ARID1A: variants seen among roughly 807,000 people sequenced by gnomAD.
ARID1A encodes the protein AT-rich interactive domain-containing protein 1A.
Under a neutral mutation model 212.6 loss-of-function variants are expected in ARID1A, and 20 were observed. The ratio of observed to expected loss-of-function variants is 0.09; its 90% CI spans 0.07 to 0.14. The LOEUF (loss-of-function observed/expected upper bound fraction) is 0.14, where lower values mean the gene tolerates loss of function less well. Among genes scored for constraint, ARID1A ranks in the 10% least tolerant of loss-of-function variants. The probability of loss-of-function intolerance (pLI) is 1.00; values close to 1 mark genes in which losing one functional copy is unlikely to be tolerated. For synonymous variants in ARID1A, 1,376 were observed against 1,222.1 expected, an observed-to-expected ratio of 1.13 and a Z score of -2.63; for missense variants, 2,587 against 3,059.0, an observed-to-expected ratio of 0.85 and a Z score of 3.64.
chr1:26,706,821 C>T (rs1252477428), intron 1 of ARID1A, among the ~76,000 whole-genome samples: 5 of 152,124 alleles, frequency 3.3e-5, no homozygotes, highest in Non-Finnish European at 7.4e-5. Context: ...TGTTCTGGTC[C>T]TAAGGTGTTG....
rs71007893 is a variant in ARID1A at position 26,781,159 on chromosome 1, TAAAAAA to T, written c.*416_*421del. ...CACATTTCATAACTGTTTTTAATGG[TAAAAAA>T]AAAAAAAAAAAATACAAAAAAAAAT... On this transcript the variant is annotated 3_prime_UTR_variant, in exon 20 of 20. Transcript: ENST00000324856. 5.1e-6 allele frequency: 1 copy of T among 195,006 alleles called. No individual in the cohort carries two copies. The highest frequency in any genetic ancestry group is 9.6e-6 in the Non-Finnish European group (1 of 103,720). The allele number at this position is 195,006 out of a possible 1,614,324, so 12.1% of individuals were successfully genotyped here.
At chr1:26,727,000 A>G (rs2080625554) in intron 1 of ARID1A, among the ~76,000 whole-genome samples, 1 of 152,266 alleles carries the variant, frequency 6.6e-6, no homozygotes, top group South Asian at 2.1e-4. Flanking sequence ...AGAGCTGGGC[A>G]TGTACAGTAT....
In ARID1A at chr1:26,762,938, G is replaced by A. The variant is rs768884763; in HGVS notation, c.2420-35G>A. On this transcript the variant is annotated intron_variant, in intron 7 of 19. Coordinates refer to ENST00000324856, the MANE Select transcript of ARID1A (RefSeq NM_006015.6). ...AGAGATATTAGTGAGTTGCTAGTGAGTGACTAACCAAGTCTTGTCTTCCTC... is the reference window on the plus strand; with the variant it reads ...AGAGATATTAGTGAGTTGCTAGTGAATGACTAACCAAGTCTTGTCTTCCTC... The A allele has an allele frequency of 2.0e-6, 3 of 1,528,818 alleles. No homozygotes were observed. The South Asian group carries it at 3.7e-5, about 19-fold the overall frequency. The allele number at this position is 1,528,818 out of a possible 1,614,324, so 94.7% of individuals were successfully genotyped here.
Position 26,707,200 on chromosome 1 carries a change from A to ATTTTTT in ARID1A, c.1137+9681_1137+9686dup, listed in dbSNP as rs751639614. On this transcript the variant is annotated intron_variant, in intron 1 of 19. Transcript: ENST00000324856. ...AGGCATGCGCCACCGCGGCTGGCTA[A>ATTTTTT]TTTTTTTTTTTTTTTTTTTTTTTTT... is the stretch of plus-strand genomic sequence containing the variant. Among the ~76,000 whole-genome samples the ATTTTTT allele has an allele frequency of 3.4e-4, 35 of 102,606 alleles. 1 individual carries two copies. Among genetic ancestry groups the ATTTTTT allele is most frequent in the Non-Finnish European group, 5.4e-4 (26 of 48,208 alleles). The allele number at this position is 102,606 out of a possible 152,430, so 67.3% of individuals were successfully genotyped here. A position where few individuals can be genotyped will look rare whatever the true frequency, so the allele number is the denominator to read the frequency against.
rs2081084231 is a variant in ARID1A, at chr1:26,771,772, C to G, written c.3406+446C>G. The G allele has an allele frequency of 5.2e-6, 1 of 191,634 alleles. No homozygotes were observed. Among genetic ancestry groups the G allele is most frequent in the South Asian group, 1.0e-4 (1 of 9,890 alleles). The allele number at this position is 191,634 out of a possible 1,614,324, so 11.9% of individuals were successfully genotyped here. A position where few individuals can be genotyped will look rare whatever the true frequency, so the allele number is the denominator to read the frequency against. ...GGGGAAGGGTTATGAATGGAACTCC[C>G]TGATGGGAGTGGCTCTGCTCACCCT... On this transcript the variant is annotated intron_variant, in intron 12 of 19. Coordinates refer to ENST00000324856, the MANE Select transcript of ARID1A (RefSeq NM_006015.6). The surrounding 1 kb of genome is among the most constrained non-coding windows in gnomAD (Gnocchi z 5.4).
chr1:26,698,015 C>G (rs2080295069), intron 1 of ARID1A, among the ~76,000 whole-genome samples: 1 of 152,064 alleles, frequency 6.6e-6, no homozygotes, highest in Non-Finnish European at 1.5e-5. Context: ...CCCTAGAGCT[C>G]GAGGGGACCT....
rs923237355 is a variant in ARID1A at position 26,775,280 on chromosome 1, C to G, written c.4993+60C>G. The stretch of plus-strand genomic sequence containing the variant: ...GCCCCTTTCCATCTTGTCCATTGTT[C>G]CCTCCACCTTACTATTCTGGATGAG... On this transcript the variant is annotated intron_variant, in intron 18 of 19. Coordinates refer to ENST00000324856, the MANE Select transcript of ARID1A (RefSeq NM_006015.6). 1.3e-5 allele frequency: 19 copies of G among 1,514,378 alleles called. No homozygotes were observed. In the South Asian group the frequency reaches 2.1e-4, roughly 17 times the overall value. 93.8% of individuals were successfully genotyped at this position (1,514,378 alleles called of 1,614,324 possible). A position where few individuals can be genotyped will look rare whatever the true frequency, so the allele number is the denominator to read the frequency against.
rs759913677 is a variant in ARID1A, at chr1:26,696,885, T to TCGCCGC, written c.489_494dup (p.Ala166_Ala167dup). 29 of 1,348,488 alleles carry TCGCCGC rather than the reference T, an allele frequency of 2.2e-5. No homozygotes were observed. The highest frequency in any genetic ancestry group is 1.9e-5 in the South Asian group (1 of 51,800). The allele number at this position is 1,348,488 out of a possible 1,614,324, so 83.5% of individuals were successfully genotyped here. ...CCCTACGGCCGGAGCCCGTCTGCCG[T>TCGCCGC]CGCCGCCGCCGCGGCCGCCGTCTTC... is the stretch of plus-strand genomic sequence containing the variant. On this transcript the variant is annotated inframe_insertion, in exon 1 of 20. Coordinates refer to ENST00000324856, the MANE Select transcript of ARID1A (RefSeq NM_006015.6).
chr1:26,713,617 C>T (rs1255611350), intron 1 of ARID1A, among the ~76,000 whole-genome samples: 1 of 152,162 alleles, frequency 6.6e-6, no homozygotes, highest in Non-Finnish European at 1.5e-5. Context: ...GCCTCGGCCT[C>T]CCAGAGTGCT....
chr1:26,761,834 T>C (rs1425484777), intron 6 of ARID1A, among the ~76,000 whole-genome samples: 3 of 152,150 alleles, frequency 2.0e-5, no homozygotes, highest in Non-Finnish European at 2.9e-5. Context: ...CCCCCTTACA[T>C]TTTGCCTCAT....
rs763691986 is a variant in ARID1A at position 26,780,604 on chromosome 1, C to T, written c.6706C>T (p.Arg2236Cys). Reference protein sequence around the residue: ...TSVDMMRRAARALLALAKVDE... With the variant: ...TSVDMMRRAACALLALAKVDE... ...TGTGGACATGATGCGGCGGGCTGCC[C>T]GCGCGCTGCTTGCCTTGGCCAAGGT... Residue 2236 changes from arginine to cysteine, a missense_variant, in exon 20 of 20, where the codon CGC (arginine) becomes TGC (cysteine). Transcript: ENST00000324856. The surrounding 1 kb of genome is among the most constrained non-coding windows in gnomAD (Gnocchi z 7.2). 62 of 1,613,812 alleles carry T rather than the reference C, an allele frequency of 3.8e-5. No individual in the cohort carries two copies. Among genetic ancestry groups the T allele is most frequent in the Middle Eastern group, 1.6e-4 (1 of 6,084 alleles).
In ARID1A at chr1:26,756,405, A is replaced by G. The variant is rs563690512; in HGVS notation, c.1921-4451A>G. Among the ~76,000 whole-genome samples the G allele has an allele frequency of 2.6e-5, 4 of 151,846 alleles. No homozygotes were observed. The South Asian group carries it at 8.3e-4, about 32-fold the overall frequency. On this transcript the variant is annotated intron_variant, in intron 4 of 19. Coordinates refer to ENST00000324856, the MANE Select transcript of ARID1A (RefSeq NM_006015.6). ...ACCCCGTCTCTACTAAAAATACAAA[A>G]ATTAACTGGGTGTGGTGGTGCACGC...
chr1:26,772,258 G>A, intron 12 of ARID1A: 1 of 540,908 alleles, frequency 1.8e-6, no homozygotes, highest in East Asian at 3.1e-5. Context: ...TCACCAGCAT[G>A]GTGATGTCAT....
At chr1:26,754,706 G>GAAA (rs984373750) in intron 4 of ARID1A, among the ~76,000 whole-genome samples, 1 of 152,196 alleles carries the variant, frequency 6.6e-6, no homozygotes, top group Non-Finnish European at 1.5e-5. Flanking sequence ...AATGGAGAGA[G>GAAA]AAAGCCAGCA....
At chr1:26,724,781 C>T (rs1167869586) in intron 1 of ARID1A, among the ~76,000 whole-genome samples, 1 of 152,110 alleles carries the variant, frequency 6.6e-6, no homozygotes, top group Non-Finnish European at 1.5e-5. Flanking sequence ...CAGGGGAACT[C>T]CCTATGCAAG....
Position 26,696,030 on chromosome 1 carries a change from G to A in ARID1A, c.-374G>A. 1 of 799,798 alleles carries A rather than the reference G, an allele frequency of 1.3e-6. No homozygotes were observed. The allele number at this position is 799,798 out of a possible 1,614,324, so 49.5% of individuals were successfully genotyped here. A position where few individuals can be genotyped will look rare whatever the true frequency, so the allele number is the denominator to read the frequency against. On this transcript the variant is annotated 5_prime_UTR_variant, in exon 1 of 20. Coordinates refer to ENST00000324856, the MANE Select transcript of ARID1A (RefSeq NM_006015.6). The stretch of plus-strand genomic sequence containing the variant: ...TCCCTCCCTCCTCCTTTCTCCGGCA[G>A]CAGAAAGCGGAGAGTCACAGCGGGG...
intron 4 of ARID1A, among the ~76,000 whole-genome samples, chr1:26,742,041 C>T (rs559086814): frequency 6.6e-6 from 1 of 152,108 alleles, no homozygotes; most frequent in Non-Finnish European, 1.5e-5. Context: ...ATATGAAAAA[C>T]CAAGGGTCAG....
chr1:26,774,079 G>A lies in ARID1A; in HGVS notation c.4101+181G>A. 9.3e-7 allele frequency: 1 copy of A among 1,077,074 alleles called. No individual in the cohort carries two copies. Among genetic ancestry groups the A allele is most frequent in the Non-Finnish European group, 1.3e-6 (1 of 762,062 alleles). 66.7% of individuals were successfully genotyped at this position (1,077,074 alleles called of 1,614,324 possible). On this transcript the variant is annotated intron_variant, in intron 17 of 19. Transcript: ENST00000324856. The surrounding 1 kb of genome is among the most constrained non-coding windows in gnomAD (Gnocchi z 5.6). ...CTCAATCTCTTCTCTATTTGGAGTTGGAAGGGGCTAGAAATAGACCTTATT... is the reference window on the plus strand; with the variant it reads ...CTCAATCTCTTCTCTATTTGGAGTTAGAAGGGGCTAGAAATAGACCTTATT...
chr1:26,704,612 C>CT (rs1185267223), intron 1 of ARID1A, among the ~76,000 whole-genome samples: 2 of 152,150 alleles, frequency 1.3e-5, no homozygotes, highest in African/African-American at 4.8e-5. Context: ...AATCCCAGCA[C>CT]TTTGGGAGGC....
Sources: gnomAD v4.1 joint callset for allele counts (sites outside exome capture counted in the v4.1 genomes callset) on GRCh38, gnomAD v4.1.1 for gene constraint, Gnocchi (gnomAD v3.1) non-coding constraint, MANE v1.5 for transcripts, NCBI Gene and HGNC (gene_info 2026-07-23, HGNC 2026-07-21) for gene names.